TRIM33: variants seen among roughly 807,000 people sequenced by gnomAD.
The protein encoded by TRIM33 is tripartite motif containing 33.
In TRIM33, 20 loss-of-function variants were observed where a neutral mutation model predicts 125.4. The ratio of observed to expected loss-of-function variants is 0.16; its 90% CI spans 0.11 to 0.23. TRIM33 has a LOEUF of 0.23. Among genes scored for constraint, TRIM33 ranks in the 10% least tolerant of loss-of-function variants. TRIM33 has a pLI of 1.00. For missense variants in TRIM33, 920 were observed against 1,411.4 expected, an observed-to-expected ratio of 0.65 and a Z score of 5.58; for synonymous variants, 564 against 513.9, an observed-to-expected ratio of 1.10 and a Z score of -1.32.
At chr1:114,491,595 G>C (rs1557899350) in intron 1 of TRIM33, among the ~76,000 whole-genome samples, 2 of 152,144 alleles carry the variant, frequency 1.3e-5, no homozygotes, top group African/African-American at 4.8e-5. Context: ...CTTGAGTCCA[G>C]AGTTCAAGAC....
intron 1 of TRIM33, among the ~76,000 whole-genome samples, chr1:114,475,833 T>C (rs1650945441): frequency 6.6e-6 from 1 of 151,792 alleles, no homozygotes. Flanking sequence ...CAAGACCCCA[T>C]CTCTAGAAAA....
At chr1:114,443,672 G>A (rs1409920012) in intron 4 of TRIM33, among the ~76,000 whole-genome samples, 3 of 152,078 alleles carry the variant, frequency 2.0e-5, no homozygotes, top group African/African-American at 4.8e-5. Flanking sequence ...CTCTTAAACA[G>A]TATCTTCAAA....
chr1:114,400,364 C>T (rs60072459), intron 17 of TRIM33, among the ~76,000 whole-genome samples: 9,607 of 152,104 alleles, frequency 0.063, 325 homozygotes, highest in African/African-American at 0.086. Context: ...CTACCACGCC[C>T]GGCTAATTTT....
chr1:114,400,759 C>A (rs1163552852), intron 17 of TRIM33, among the ~76,000 whole-genome samples: 1 of 152,190 alleles, frequency 6.6e-6, no homozygotes, highest in Admixed American at 6.5e-5. Flanking sequence ...TGATGGCTAG[C>A]AATAAAATGT....
intron 1 of TRIM33, among the ~76,000 whole-genome samples, chr1:114,505,877 T>C (rs1652974339): frequency 6.6e-6 from 1 of 152,130 alleles, no homozygotes; most frequent in Non-Finnish European, 1.5e-5. Context: ...CCACAGTAAG[T>C]TGAAGAATTC....
chr1:114,467,111 C>A (rs1180591094), intron 1 of TRIM33, among the ~76,000 whole-genome samples: 3 of 152,134 alleles, frequency 2.0e-5, no homozygotes, highest in Non-Finnish European at 4.4e-5. Flanking sequence ...CTCTTAAGAA[C>A]TATGCTAAAC....
chr1:114,501,353 T>C (rs568696942), intron 1 of TRIM33, among the ~76,000 whole-genome samples: 83 of 143,658 alleles, frequency 5.8e-4, no homozygotes, highest in Non-Finnish European at 9.7e-4. Flanking sequence ...CTCTTTCACA[T>C]AGCTGGCAAG....
Position 114,399,624 on chromosome 1 carries a change from T to A in TRIM33, c.2968-15A>T, listed in dbSNP as rs754240774. 2 of 1,561,398 alleles carry A rather than the reference T, an allele frequency of 1.3e-6. No homozygotes were observed. Among genetic ancestry groups the A allele is most frequent in the Non-Finnish European group, 1.7e-6 (2 of 1,148,512 alleles). On this transcript the variant is annotated splice_polypyrimidine_tract_variant and intron_variant, in intron 17 of 19. Transcript: ENST00000358465. ...TAGTTTGGTATCTAAAATAAGCACA[T>A]AATGGCAAATAAGAATTCTCCAAAA...
intron 1 of TRIM33, among the ~76,000 whole-genome samples, chr1:114,491,012 TG>T (rs1652029191): frequency 6.6e-6 from 1 of 152,036 alleles, no homozygotes; most frequent in African/African-American, 2.4e-5. Context: ...GGGAATGGTT[TG>T]GGGGTAAGTG....
At chr1:114,439,963 A>G (rs1314508435) in intron 4 of TRIM33, among the ~76,000 whole-genome samples, 1 of 152,230 alleles carries the variant, frequency 6.6e-6, no homozygotes, top group Non-Finnish European at 1.5e-5. Context: ...TAGGAGTGAT[A>G]AAGATGTTCA....
intron 1 of TRIM33, among the ~76,000 whole-genome samples, chr1:114,508,163 T>C (rs997072420): frequency 1.3e-5 from 2 of 152,154 alleles, no homozygotes; most frequent in African/African-American, 4.8e-5. Context: ...CAGACTCAAT[T>C]TGTTTTAGAT....
At chr1:114,408,550 C>T (rs554399808) in intron 13 of TRIM33, 127 bp downstream of exon 13, 22 of 583,420 alleles carry the variant, frequency 3.8e-5, no homozygotes, top group Non-Finnish European at 3.0e-5. Context: ...CAAGATTGGC[C>T]ATTATTTGAT....
At chr1:114,399,833 TTAA>T (rs71806911) in intron 17 of TRIM33, among the ~76,000 whole-genome samples, 3,006 of 152,224 alleles carry the variant, frequency 0.02, 91 homozygotes, top group African/African-American at 0.069. Context: ...AGTCCTACTT[TTAA>T]TAATAAGATT....
chr1:114,405,257 T>C, intron 15 of TRIM33, 153 bp downstream of exon 15: 1 of 603,078 alleles, frequency 1.7e-6, no homozygotes, highest in Admixed American at 3.2e-5. Context: ...TTATTGTTAG[T>C]TTCTCTGGAA....
intron 2 of TRIM33, 94 bp downstream of exon 2, chr1:114,464,176 C>T (rs1337874666): frequency 1.0e-5 from 6 of 591,296 alleles, no homozygotes; most frequent in Non-Finnish European, 1.7e-5. Flanking sequence ...CATAGCAGAA[C>T]CACCCTAAAT....
Position 114,405,451 on chromosome 1 carries a change from A to G in TRIM33, c.2727T>C (p.Phe909=), listed in dbSNP as rs543972423. The G allele has an allele frequency of 6.2e-7, 1 of 1,614,088 alleles. No individual in the cohort carries two copies. Among genetic ancestry groups the G allele is most frequent in the South Asian group, 1.1e-5 (1 of 91,052 alleles). The change falls in exon 15 of 20, where the codon TTT becomes TTC. Residue 909 remains phenylalanine, a synonymous_variant. Coordinates refer to ENST00000358465, the MANE Select transcript of TRIM33 (RefSeq NM_015906.4). ...GTGTTGGAACATGACAAGTTAGATGAAAGACCTTTGGACATTTTTCGCAGC... is the reference window on the plus strand; with the variant it reads ...GTGTTGGAACATGACAAGTTAGATGGAAGACCTTTGGACATTTTTCGCAGC... ...LLCCEKCPKV[F]HLTCHVPTLL...
In TRIM33 at chr1:114,395,367, G is replaced by C. The variant is rs1357951029; in HGVS notation, c.*2281C>G. ...AACTCTATCTAACATGTAATTTTAAGGAAACACAATTATTTTTTAAGGCCC... is the reference window on the plus strand; with the variant it reads ...AACTCTATCTAACATGTAATTTTAACGAAACACAATTATTTTTTAAGGCCC... On this transcript the variant is annotated 3_prime_UTR_variant, in exon 20 of 20. Coordinates refer to ENST00000358465, the MANE Select transcript of TRIM33 (RefSeq NM_015906.4). 4 of 201,260 alleles carry C rather than the reference G, an allele frequency of 2.0e-5. No homozygotes were observed. Among genetic ancestry groups the C allele is most frequent in the Non-Finnish European group, 4.1e-5 (4 of 97,776 alleles). 12.5% of individuals were successfully genotyped at this position (201,260 alleles called of 1,614,324 possible). A position where few individuals can be genotyped will look rare whatever the true frequency, so the allele number is the denominator to read the frequency against.
intron 6 of TRIM33, among the ~76,000 whole-genome samples, chr1:114,429,130 C>T (rs142329382): frequency 6.6e-6 from 1 of 151,954 alleles, no homozygotes; most frequent in East Asian, 1.9e-4. Context: ...GGGTTAAATG[C>T]AACAGACTGG....
chr1:114,486,329 A>C (rs1320598899), intron 1 of TRIM33, among the ~76,000 whole-genome samples: 1 of 151,860 alleles, frequency 6.6e-6, no homozygotes, highest in African/African-American at 2.4e-5. Context: ...AAGAAATGAA[A>C]GTTATAGAAA....
Sources: allele counts gnomAD v4.1 joint callset (sites outside exome capture counted in the v4.1 genomes callset), GRCh38; gene constraint gnomAD v4.1.1; transcripts MANE v1.5; gene names NCBI Gene and HGNC (gene_info 2026-07-23, HGNC 2026-07-21).